NRG3: variants seen among roughly 807,000 people sequenced by gnomAD.
NRG3 encodes the protein neuregulin 3.
Under a neutral mutation model 66.9 loss-of-function variants are expected in NRG3, and 31 were observed. The observed-to-expected ratio is 0.46, with a 90% CI of 0.35 to 0.63. The LOEUF is 0.63. Ranked by LOEUF, NRG3 falls within the 20% of genes least tolerant of loss-of-function variation. The pLI, the probability that NRG3 is intolerant of heterozygous loss-of-function variation, is 0.00. For missense variants in NRG3, 910 were observed against 878.9 expected (o/e 1.04, Z -0.45); for synonymous variants, 393 against 359.4 (o/e 1.09, Z -1.06).
chr10:82,762,164 T>A (rs1027632448), intron 3 of NRG3, among the ~76,000 whole-genome samples: 2 of 151,726 alleles, frequency 1.3e-5, no homozygotes, highest in African/African-American at 4.8e-5. Flanking sequence ...GTTTTTGGAT[T>A]GTTTGCAGAT....
chr10:82,687,347 A>G (rs1439473922), intron 2 of NRG3, among the ~76,000 whole-genome samples: 2 of 152,200 alleles, frequency 1.3e-5, no homozygotes, highest in Non-Finnish European at 1.5e-5. Flanking sequence ...CCATCACTGC[A>G]TCCCTGCTTG....
chr10:82,457,546 G>T (rs2091323199), intron 2 of NRG3, among the ~76,000 whole-genome samples: 1 of 152,076 alleles, frequency 6.6e-6, no homozygotes. Context: ...GGAGATTGGG[G>T]ACCCCTGTGT....
At chr10:82,546,962 G>C (rs1232304735) in intron 2 of NRG3, among the ~76,000 whole-genome samples, 1 of 152,092 alleles carries the variant, frequency 6.6e-6, no homozygotes, top group Non-Finnish European at 1.5e-5. Context: ...AGGGAGGAAG[G>C]TAGAGAAGGA....
At chr10:82,337,727 C>T (rs1042145176) in intron 1 of NRG3, among the ~76,000 whole-genome samples, 2 of 152,026 alleles carry the variant, frequency 1.3e-5, no homozygotes, top group African/African-American at 4.8e-5. Context: ...CAATTTTGGA[C>T]ATCTTTTTAT....
intron 1 of NRG3, among the ~76,000 whole-genome samples, chr10:81,965,453 T>G (rs959169024): frequency 6.6e-6 from 1 of 152,200 alleles, no homozygotes; most frequent in African/African-American, 2.4e-5. Context: ...AATTGTAAAT[T>G]TTAGAACTTG....
chr10:82,498,418 C>T (rs1054104335), intron 2 of NRG3, among the ~76,000 whole-genome samples: 1 of 152,024 alleles, frequency 6.6e-6, no homozygotes, highest in Admixed American at 6.6e-5. Flanking sequence ...AGAAGAGGCA[C>T]CTTGAGCTCA....
chr10:82,395,595 A>C lies in NRG3; in HGVS notation c.953+36727A>C, dbSNP rs551794592. 1.9e-4 allele frequency among the ~76,000 whole-genome samples: 29 copies of C among 152,312 alleles called. No individual in the cohort carries two copies. The South Asian group carries it at 5.6e-3, about 29-fold the overall frequency. ...AATTATAGACAATATGGCATTATAT[A>C]TCTGTCTATCTTATCATCTACTCAT... On this transcript the variant is annotated intron_variant, in intron 2 of 8. Coordinates refer to ENST00000372141, the MANE Select transcript of NRG3 (RefSeq NM_001010848.4).
chr10:82,684,810 G>T (rs1006828791), intron 2 of NRG3, among the ~76,000 whole-genome samples: 2 of 152,104 alleles, frequency 1.3e-5, no homozygotes, highest in Non-Finnish European at 2.9e-5. Context: ...CATGAAAAAG[G>T]TGTGGAGCAA....
intron 2 of NRG3, among the ~76,000 whole-genome samples, chr10:82,715,303 C>T (rs2056908420): frequency 6.6e-6 from 1 of 152,154 alleles, no homozygotes; most frequent in Non-Finnish European, 1.5e-5. Flanking sequence ...GAGGCTGAGG[C>T]ACGTGAGTCC....
intron 2 of NRG3, among the ~76,000 whole-genome samples, chr10:82,529,097 G>T (rs150587408): frequency 6.6e-6 from 1 of 152,320 alleles, no homozygotes; most frequent in East Asian, 1.9e-4. Flanking sequence ...GCGCTTAGAA[G>T]TCGCACATCT....
At chr10:82,041,096 C>T (rs919564613) in intron 1 of NRG3, among the ~76,000 whole-genome samples, 3 of 152,084 alleles carry the variant, frequency 2.0e-5, no homozygotes, top group African/African-American at 7.2e-5. Context: ...AGTAATTAAA[C>T]TATGTCATTC....
intron 4 of NRG3, among the ~76,000 whole-genome samples, chr10:82,911,867 A>G (rs886632584): frequency 3.3e-5 from 5 of 151,824 alleles, no homozygotes; most frequent in Non-Finnish European, 7.4e-5. Context: ...TAATATATTC[A>G]TTAAATATTA....
intron 2 of NRG3, among the ~76,000 whole-genome samples, chr10:82,386,287 C>T (rs1388964270): frequency 6.6e-6 from 1 of 152,126 alleles, no homozygotes; most frequent in Admixed American, 6.5e-5. Context: ...TGTACCATTA[C>T]TTGTAATATG....
At chr10:82,824,377 A>G (rs144034082) in intron 3 of NRG3, among the ~76,000 whole-genome samples, 195 of 152,304 alleles carry the variant, frequency 1.3e-3, no homozygotes, top group African/African-American at 4.3e-3. Flanking sequence ...TCTCTTCTCT[A>G]TATACCCAGA....
At chr10:82,743,044 C>A (rs1037500305) in intron 3 of NRG3, among the ~76,000 whole-genome samples, 1 of 152,070 alleles carries the variant, frequency 6.6e-6, no homozygotes, top group South Asian at 2.1e-4. Flanking sequence ...AGAGAAGATG[C>A]CCATTGGAAG....
At chr10:82,437,943 A>T (rs1462354794) in intron 2 of NRG3, among the ~76,000 whole-genome samples, 2 of 152,008 alleles carry the variant, frequency 1.3e-5, no homozygotes, top group Non-Finnish European at 2.9e-5. Context: ...GGGACCTCTG[A>T]CCTCGAGGGG....
intron 2 of NRG3, among the ~76,000 whole-genome samples, chr10:82,453,428 A>G: frequency 6.6e-6 from 1 of 152,162 alleles, no homozygotes; most frequent in East Asian, 1.9e-4. Context: ...GAAAACCAGG[A>G]TGATTGATTA....
intron 1 of NRG3, among the ~76,000 whole-genome samples, chr10:82,331,566 G>A (rs2082135495): frequency 6.6e-6 from 1 of 152,060 alleles, no homozygotes; most frequent in Non-Finnish European, 1.5e-5. Flanking sequence ...TGCAGTTCAT[G>A]TTATCATATC....
intron 1 of NRG3, among the ~76,000 whole-genome samples, chr10:82,055,489 AAAAG>A (rs1436007875): frequency 1.3e-5 from 2 of 151,862 alleles, no homozygotes; most frequent in Non-Finnish European, 2.9e-5. Flanking sequence ...AAAAAAAAAA[AAAAG>A]AACAACAACA....
Sources: gnomAD v4.1 joint callset for allele counts (sites outside exome capture counted in the v4.1 genomes callset) on GRCh38, gnomAD v4.1.1 for gene constraint, MANE v1.5 for transcripts, NCBI Gene and HGNC (gene_info 2026-07-23, HGNC 2026-07-21) for gene names.